KRT85: variants seen among roughly 807,000 people sequenced by gnomAD.
KRT85 encodes keratin, type II cuticular Hb5.
In KRT85, 39 loss-of-function variants were observed where a neutral mutation model predicts 53.7. The ratio of observed to expected loss-of-function variants is 0.73; its 90% CI spans 0.56 to 0.95. The LOEUF is 0.95. KRT85 is among the 40% of genes least tolerant of loss of function. The probability of loss-of-function intolerance (pLI) is 0.00; values close to 1 mark genes in which losing one functional copy is unlikely to be tolerated. For synonymous variants in KRT85, 291 were observed against 277.5 expected (o/e 1.05, Z -0.48); for missense variants, 668 against 686.0 (o/e 0.97, Z 0.29).
chr12:52,363,674 C>T lies in KRT85; in HGVS notation c.787-264G>A, dbSNP rs114528656. 3.1e-3 allele frequency among the ~76,000 whole-genome samples: 479 copies of T among 152,284 alleles called. 1 individual carries two copies. The highest frequency in any genetic ancestry group is 0.01 in the African/African-American group (431 of 41,560). The stretch of plus-strand genomic sequence containing the variant: ...TGAAAAAGATCTGGTCCAAAGTCAC[C>T]CAGCAGGGGAGCTGGGGTTTGGAGG... On this transcript the variant is annotated intron_variant, in intron 4 of 8. Coordinates refer to ENST00000257901, the MANE Select transcript of KRT85 (RefSeq NM_002283.4).
intron 3 of KRT85, 32 bp from the exon 4 acceptor site, chr12:52,364,195 A>C (rs1257029887): frequency 6.2e-7 from 1 of 1,613,068 alleles, no homozygotes; most frequent in Non-Finnish European, 8.5e-7. Flanking sequence ...GGGGACATGC[A>C]TGTGAGAGGA....
At position 52,367,278 on chromosome 12, in the gene KRT85, G is replaced by A. The variant is rs200100711; in HGVS notation, c.128C>T (p.Ser43Phe). 8 of 1,612,704 alleles carry A rather than the reference G, an allele frequency of 5.0e-6. No individual in the cohort carries two copies. The Admixed American group carries it at 1.3e-4, about 27-fold the overall frequency. The change falls in exon 1 of 9, where the codon TCC becomes TTC. Residue 43 changes from serine (S) to phenylalanine (F), a missense_variant. Physicochemically the swap from Ser to Phe is radical, Grantham distance 155 (BLOSUM62 -2). Around this residue, in one of 3 missense-constraint regions of KRT85, gnomAD observed 158 missense variants for 141.8 expected, o/e 1.11. Transcript: ENST00000257901. Reference protein sequence around the residue: ...CISAAPYRGVSCYRGLTGFGS... With the variant: ...CISAAPYRGVFCYRGLTGFGS... The stretch of plus-strand genomic sequence containing the variant: ...GAAGCCCGTCAGCCCTCGGTAGCAG[G>A]ACACCCCTCGGTAGGGGGCGGCGCT...
At chr12:52,364,535 T>G in intron 2 of KRT85, 169 bp from the exon 3 acceptor site, 1 of 1,480,694 alleles carries the variant, frequency 6.8e-7, no homozygotes, top group Non-Finnish European at 8.9e-7. Context: ...GCCCTTGTCC[T>G]AGCCTGGCTT....
chr12:52,363,357 C>T lies in KRT85; in HGVS notation c.840G>A (p.Met280Ile). Reference protein sequence around the residue: ...HISDTSVIVKMDNSRDLNMDC... With the variant: ...HISDTSVIVKIDNSRDLNMDC... ...CCATGTTCAGGTCTCGGCTGTTGTC[C>T]ATCTTGACTATGACCGAGGTGTCTG... The change falls in exon 5 of 9, where the codon ATG becomes ATA. Residue 280 changes from methionine (M) to isoleucine (I), a missense_variant. Transcript: ENST00000257901. 6.2e-7 allele frequency: 1 copy of T among 1,614,174 alleles called. No homozygotes were observed.
chr12:52,366,389 G>T (rs1939271414), intron 1 of KRT85, among the ~76,000 whole-genome samples: 1 of 152,234 alleles, frequency 6.6e-6, no homozygotes, highest in African/African-American at 2.4e-5. Flanking sequence ...CTGTTATTCA[G>T]CAGAGTAACC....
rs774918133 is a variant in KRT85, at chr12:52,367,428, G to A, written c.-23C>T. The A allele has an allele frequency of 6.2e-7, 1 of 1,613,520 alleles. No homozygotes were observed. Among genetic ancestry groups the A allele is most frequent in the Admixed American group, 1.7e-5 (1 of 59,982 alleles). On this transcript the variant is annotated 5_prime_UTR_variant, in exon 1 of 9. Coordinates refer to ENST00000257901, the MANE Select transcript of KRT85 (RefSeq NM_002283.4). The stretch of plus-strand genomic sequence containing the variant: ...CATCGTGTGAGGCTGAGCAGAGTCT[G>A]AGAGGCAGCGGAAGGTGGTGCGGGC...
At chr12:52,366,701 CACTA>C (rs1565769931) in intron 1 of KRT85, among the ~76,000 whole-genome samples, 3 of 152,064 alleles carry the variant, frequency 2.0e-5, no homozygotes, top group Non-Finnish European at 2.9e-5. Context: ...ACACACCACA[CACTA>C]ACATACGTAC....
At chr12:52,362,179 G>T in intron 7 of KRT85, 72 bp downstream of exon 7, 1 of 1,602,798 alleles carries the variant, frequency 6.2e-7, no homozygotes, top group South Asian at 1.1e-5. Flanking sequence ...CTCACACTCA[G>T]CTCAAGGAAA....
chr12:52,362,923 C>G lies in KRT85; in HGVS notation c.1008G>C (p.Lys336Asn), dbSNP rs780111391. 1 of 1,614,006 alleles carries G rather than the reference C, an allele frequency of 6.2e-7. No individual in the cohort carries two copies. Among genetic ancestry groups the G allele is most frequent in the Non-Finnish European group, 8.5e-7 (1 of 1,180,012 alleles). Residue 336 changes from lysine to asparagine, a missense_variant, in exon 6 of 9, where the codon AAG becomes AAC. By Grantham distance (94) the Lys-to-Asn change is moderately conservative. Around this residue, in one of 3 missense-constraint regions of KRT85, gnomAD observed 488 missense variants for 498.1 expected, o/e 0.98. Transcript: ENST00000257901. ...TGCGGTTCAGCTCGTTGATCTCCTC[C>G]TTGGTGCGGCGCAGGGTCTCCCCAT... Reference protein sequence around the residue: ...IRHGETLRRTKEEINELNRMI... With the variant: ...IRHGETLRRTNEEINELNRMI...
rs909930000 is a variant in KRT85, at chr12:52,367,253, G to A, written c.153C>T (p.Phe51=). The change falls in exon 1 of 9, where the codon TTC becomes TTT. Residue 51 remains phenylalanine (F), a synonymous_variant. Coordinates refer to ENST00000257901, the MANE Select transcript of KRT85 (RefSeq NM_002283.4). ...GVSCYRGLTG[F]GSRSLCNLGS... ...CCAGGTTGCAGAGGCTGCGGCTGCC[G>A]AAGCCCGTCAGCCCTCGGTAGCAGG... 4 of 1,612,128 alleles carry A rather than the reference G, an allele frequency of 2.5e-6. No homozygotes were observed. Among genetic ancestry groups the A allele is most frequent in the African/African-American group, 2.7e-5 (2 of 74,904 alleles).
chr12:52,361,065 T>C lies in KRT85; in HGVS notation c.1331-19A>G. ...CTGACACCTGTGGAGAGAGGAGACA[T>C]GGAGGGGTGAGCAGCTCCCTGCAAT... On this transcript the variant is annotated intron_variant, in intron 8 of 8. Coordinates refer to ENST00000257901, the MANE Select transcript of KRT85 (RefSeq NM_002283.4). The C allele has an allele frequency of 1.3e-6, 2 of 1,598,596 alleles. No homozygotes were observed. Among genetic ancestry groups the C allele is most frequent in the South Asian group, 1.1e-5 (1 of 89,450 alleles).
At position 52,362,615 on chromosome 12, in the gene KRT85, G is replaced by A. The variant is rs542450978; in HGVS notation, c.1078-144C>T. ...AGGTAGTTAATGGGGCTGTGAATATGAGGGAGGAGATGGGTGGGCTTTTCA... is the reference window on the plus strand; with the variant it reads ...AGGTAGTTAATGGGGCTGTGAATATAAGGGAGGAGATGGGTGGGCTTTTCA... On this transcript the variant is annotated intron_variant, in intron 6 of 8. Transcript: ENST00000257901. 101 of 1,223,774 alleles carry A rather than the reference G, an allele frequency of 8.3e-5. No homozygotes were observed. The African/African-American group carries it at 1.3e-3, about 16-fold the overall frequency. The allele number at this position is 1,223,774 out of a possible 1,614,324, so 75.8% of individuals were successfully genotyped here.
In KRT85 at chr12:52,360,989, G is replaced by A; in HGVS notation, c.1388C>T (p.Pro463Leu). ...SCGGLSYSTT[P>L]GRQITSGPSA... ...GGGGCCAGAAGTGATCTGGCGCCCT[G>A]GGGTGGTGCTGTAGGAGAGGCCCCC... Residue 463 changes from proline (P) to leucine (L), a missense_variant, in exon 9 of 9, where the codon CCA (proline) becomes CTA (leucine). Coordinates refer to ENST00000257901, the MANE Select transcript of KRT85 (RefSeq NM_002283.4). 1 of 1,613,630 alleles carries A rather than the reference G, an allele frequency of 6.2e-7. No homozygotes were observed. Among genetic ancestry groups the A allele is most frequent in the South Asian group, 1.1e-5 (1 of 91,052 alleles).
At chr12:52,363,940 C>A in intron 4 of KRT85, 128 bp downstream of exon 4, 1 of 814,264 alleles carries the variant, frequency 1.2e-6, no homozygotes, top group Admixed American at 1.7e-5. Context: ...CACGTATGTG[C>A]AAGCTCTTTT....
At chr12:52,363,143 T>G (rs1319645295) in intron 5 of KRT85, 103 bp downstream of exon 5, 59 of 1,558,660 alleles carry the variant, frequency 3.8e-5, no homozygotes, top group Non-Finnish European at 5.0e-5. Flanking sequence ...TCTCATACTG[T>G]CCTCATGGGT....
At chr12:52,363,859 C>T (rs924934789) in intron 4 of KRT85, among the ~76,000 whole-genome samples, 3 of 152,210 alleles carry the variant, frequency 2.0e-5, no homozygotes, top group Non-Finnish European at 4.4e-5. Flanking sequence ...ACAGAGCAGC[C>T]CAAGAACATG....
In KRT85 at chr12:52,367,111, A is replaced by G. The variant is rs1288426989; in HGVS notation, c.295T>C (p.Ser99Pro). ...GGCGTGAGGAGGCTCTCGTTGACCG[A>G]CACGGTAGTGATGCATGGGGGGCTG... The part of the protein sequence containing the change: ...GPSPPCITTV[S>P]VNESLLTPLN... The change falls in exon 1 of 9, where the codon TCG becomes CCG. Residue 99 changes from serine to proline, a missense_variant. Ser to Pro is a moderately conservative substitution (Grantham distance 74, BLOSUM62 -1). Around this residue, in one of 3 missense-constraint regions of KRT85, gnomAD observed 158 missense variants for 141.8 expected, o/e 1.11. Transcript: ENST00000257901. The G allele has an allele frequency of 6.2e-7, 1 of 1,613,190 alleles. No homozygotes were observed. The highest frequency in any genetic ancestry group is 1.3e-5 in the African/African-American group (1 of 74,894).
chr12:52,363,539 C>G (rs1939226739), intron 4 of KRT85, 129 bp from the exon 5 acceptor site: 4 of 948,336 alleles, frequency 4.2e-6, no homozygotes, highest in Non-Finnish European at 6.7e-6. Context: ...CTGCTCCTAC[C>G]ACCTTCACTC....
chr12:52,364,306 C>T lies in KRT85; in HGVS notation c.690G>A (p.Lys230=). 1 of 1,614,190 alleles carries T rather than the reference C, an allele frequency of 6.2e-7. No individual in the cohort carries two copies. The highest frequency in any genetic ancestry group is 8.5e-7 in the Non-Finnish European group (1 of 1,180,026). ...TAENEFVVLK[K]DVDCAYLRKS... is the part of the protein sequence containing the mutation. ...CCTTGCCCCATGACCAGCCCCTCAC[C>T]TTCTTTAGAACGACAAACTCATTCT... Residue 230 remains lysine, a splice_region_variant and synonymous_variant, in exon 3 of 9, where the codon AAG becomes AAA. Coordinates refer to ENST00000257901, the MANE Select transcript of KRT85 (RefSeq NM_002283.4).
Sources: gnomAD v4.1 joint callset for allele counts (sites outside exome capture counted in the v4.1 genomes callset) on GRCh38, gnomAD v4.1.1 for gene constraint, gnomAD v4.1.1 regional missense constraint, MANE v1.5 for transcripts, NCBI Gene and HGNC (gene_info 2026-07-23, HGNC 2026-07-21) for gene names.